C8orf76: variants seen among roughly 807,000 people sequenced by gnomAD.
The protein encoded by C8orf76 is uncharacterized protein C8orf76.
In C8orf76, 46 loss-of-function variants were observed where a neutral mutation model predicts 38.1. That is an observed-to-expected ratio of 1.21 (90% CI 0.95 to 1.54). C8orf76 has a LOEUF of 1.54. Ranked by LOEUF, C8orf76 falls within the 40% of genes most tolerant of loss-of-function variation. The pLI is 0.00. For missense variants in C8orf76, 461 were observed against 441.6 expected, an observed-to-expected ratio of 1.04 and a Z score of -0.39; for synonymous variants, 166 against 167.5, an observed-to-expected ratio of 0.99 and a Z score of 0.07.
intron 3 of C8orf76, among the ~76,000 whole-genome samples, chr8:123,232,220 A>G (rs991749417): frequency 1.3e-5 from 2 of 152,172 alleles, no homozygotes; most frequent in Non-Finnish European, 2.9e-5. Flanking sequence ...CCACTTCCAA[A>G]TTTTATTTGG....
At chr8:123,223,914 G>A (rs1000752274) in intron 5 of C8orf76, among the ~76,000 whole-genome samples, 4 of 152,134 alleles carry the variant, frequency 2.6e-5, no homozygotes, top group Non-Finnish European at 5.9e-5. Context: ...TAAATTCACA[G>A]AGAAAAATAG....
Position 123,237,926 on chromosome 8 carries a change from ACTC to A in C8orf76, c.226_228del (p.Glu76del). ...GACAATTTTTCAGAGATACTGGAAT[ACTC>A]CTGCAGTGCTTTCTGGAAATTATTT... On this transcript the variant is annotated inframe_deletion, in exon 3 of 6. Coordinates refer to ENST00000276704, the MANE Select transcript of C8orf76 (RefSeq NM_032847.3). 6.2e-7 allele frequency: 1 copy of A among 1,609,748 alleles called. No homozygotes were observed. The highest frequency in any genetic ancestry group is 8.5e-7 in the Non-Finnish European group (1 of 1,178,802).
intron 5 of C8orf76, among the ~76,000 whole-genome samples, chr8:123,221,736 G>A (rs1324307002): frequency 6.6e-6 from 1 of 151,934 alleles, no homozygotes; most frequent in Non-Finnish European, 1.5e-5. Flanking sequence ...CACTGTGCCC[G>A]GCCAAAAAAT....
At chr8:123,235,331 G>C (rs560520518) in intron 3 of C8orf76, among the ~76,000 whole-genome samples, 56 of 152,218 alleles carry the variant, frequency 3.7e-4, no homozygotes, top group African/African-American at 1.3e-3. Flanking sequence ...GGGACTTGCT[G>C]TCTATTTTGT....
intron 5 of C8orf76, among the ~76,000 whole-genome samples, chr8:123,224,973 T>G (rs1213214130): frequency 1.3e-5 from 2 of 152,158 alleles, no homozygotes; most frequent in Non-Finnish European, 2.9e-5. Flanking sequence ...GATGTGGAAC[T>G]TGGGAGAATT....
In C8orf76 at chr8:123,226,697, G is replaced by C. The variant is rs181405663; in HGVS notation, c.816-65C>G. 5 of 1,516,264 alleles carry C rather than the reference G, an allele frequency of 3.3e-6. No homozygotes were observed. In the East Asian group the frequency reaches 1.2e-4, roughly 36 times the overall value. The allele number at this position is 1,516,264 out of a possible 1,614,324, so 93.9% of individuals were successfully genotyped here. A position where few individuals can be genotyped will look rare whatever the true frequency, so the allele number is the denominator to read the frequency against. On this transcript the variant is annotated intron_variant, in intron 4 of 5. Transcript: ENST00000276704. ...CAACGCTTCCAGATAAAGGAAAGCC[G>C]CGAGGAAATGTTCAGAAAGCCCAGG...
chr8:123,238,211 G>A (rs1825564188), intron 2 of C8orf76, among the ~76,000 whole-genome samples: 1 of 152,084 alleles, frequency 6.6e-6, no homozygotes, highest in Non-Finnish European at 1.5e-5. Context: ...GAATCATGGG[G>A]GTGGGTTTTT....
intron 5 of C8orf76, among the ~76,000 whole-genome samples, chr8:123,222,188 C>T (rs1013980130): frequency 2.6e-5 from 4 of 151,686 alleles, no homozygotes; most frequent in East Asian, 3.9e-4. Context: ...AGGGTTTCAC[C>T]GTGTTACCCA....
At chr8:123,233,264 C>A (rs185323280) in intron 3 of C8orf76, among the ~76,000 whole-genome samples, 106 of 151,678 alleles carry the variant, frequency 7.0e-4, no homozygotes, top group Non-Finnish European at 1.3e-3. Context: ...AGTGATCCAC[C>A]CCCTTCGGCC....
chr8:123,241,288 C>T lies in C8orf76; in HGVS notation c.59G>A (p.Arg20Lys). 6.3e-7 allele frequency: 1 copy of T among 1,581,858 alleles called. No individual in the cohort carries two copies. Among genetic ancestry groups the T allele is most frequent in the East Asian group, 2.4e-5 (1 of 41,168 alleles). Residue 20 changes from arginine (R) to lysine (K), a missense_variant, in exon 1 of 6, where the codon AGG (arginine) becomes AAG (lysine). Arg to Lys is a conservative substitution (Grantham distance 26). Coordinates refer to ENST00000276704, the MANE Select transcript of C8orf76 (RefSeq NM_032847.3). Reference protein sequence around the residue: ...GEFEDSVFEERPERRSGPPAS... With the variant: ...GEFEDSVFEEKPERRSGPPAS... ...GGGCGGTCCTGACCGCCGCTCCGGC[C>T]TCTCCTCGAACACCGAGTCCTCGAA... is the stretch of plus-strand genomic sequence containing the variant.
intron 4 of C8orf76, among the ~76,000 whole-genome samples, chr8:123,229,916 C>T (rs1825186026): frequency 6.6e-6 from 1 of 152,060 alleles, no homozygotes; most frequent in South Asian, 2.1e-4. Flanking sequence ...ACTCAGGAGG[C>T]TGAGGCAGGG....
intron 3 of C8orf76, among the ~76,000 whole-genome samples, chr8:123,232,433 A>G (rs1825304554): frequency 6.6e-6 from 1 of 152,240 alleles, no homozygotes; most frequent in Non-Finnish European, 1.5e-5. Context: ...AACTTGCCAT[A>G]TGGCAAATGT....
chr8:123,239,308 G>A, intron 1 of C8orf76, 164 bp from the exon 2 acceptor site: 1 of 626,144 alleles, frequency 1.6e-6, no homozygotes, highest in Non-Finnish European at 2.6e-6. Context: ...TCCTGCCTCT[G>A]CCCACCTTGG....
In C8orf76 at chr8:123,227,936, C is replaced by G. The variant is rs552070550; in HGVS notation, c.816-1304G>C. ...CCTCGGGAAGCATTCACCTTCGTTA[C>G]CCCTTTGATGTAACTTGCTTTCTGC... On this transcript the variant is annotated intron_variant, in intron 4 of 5. Transcript: ENST00000276704. 3.7e-4 allele frequency among the ~76,000 whole-genome samples: 56 copies of G among 152,278 alleles called. No homozygotes were observed. The South Asian group carries it at 0.012, about 32-fold the overall frequency.
intron 3 of C8orf76, among the ~76,000 whole-genome samples, chr8:123,233,196 T>C (rs562010693): frequency 6.8e-6 from 1 of 146,322 alleles, no homozygotes; most frequent in African/African-American, 2.7e-5. Context: ...AATTTTTGCA[T>C]AAAGTAAAGA....
intron 5 of C8orf76, 174 bp downstream of exon 5, chr8:123,226,326 G>C: frequency 3.4e-6 from 5 of 1,457,372 alleles, no homozygotes; most frequent in South Asian, 2.9e-5. Flanking sequence ...CGCTGCAGGG[G>C]AATGCCGATC....
chr8:123,226,304 T>C, intron 5 of C8orf76, 196 bp downstream of exon 5: 1 of 1,411,074 alleles, frequency 7.1e-7, no homozygotes, highest in Non-Finnish European at 9.1e-7. Context: ...ACACAGCCCC[T>C]GCGGTCCCGC....
In C8orf76 at chr8:123,237,819, C is replaced by T. The variant is rs781409629; in HGVS notation, c.336G>A (p.Ala112=). 8.7e-6 allele frequency: 14 copies of T among 1,613,192 alleles called. No homozygotes were observed. The highest frequency in any genetic ancestry group is 3.3e-4 in the Middle Eastern group (2 of 6,052). ...CLAHLGRHME[A]LEIAANLENK... ...TCACCAAGTTTGCAGCAATCTCCAG[C>T]GCCTCCATATGCCTACCCAGGTGAG... is the stretch of plus-strand genomic sequence containing the variant. The change falls in exon 3 of 6, where the codon GCG becomes GCA. Residue 112 remains alanine, a synonymous_variant. Coordinates refer to ENST00000276704, the MANE Select transcript of C8orf76 (RefSeq NM_032847.3).
At position 123,237,961 on chromosome 8, in the gene C8orf76, TAAAGA is replaced by T. The variant is rs1378207758; in HGVS notation, c.214-25_214-21del. The T allele has an allele frequency of 6.9e-6, 11 of 1,598,586 alleles. No individual in the cohort carries two copies. Among genetic ancestry groups the T allele is most frequent in the Non-Finnish European group, 9.4e-6 (11 of 1,173,760 alleles). ...TGCTTTCTGGAAATTATTTGTTAAA[TAAAGA>T]AATGAAAGGAGGAAAACATAACAGA... On this transcript the variant is annotated intron_variant, in intron 2 of 5. Transcript: ENST00000276704.
Sources: gnomAD v4.1 joint callset for allele counts (sites outside exome capture counted in the v4.1 genomes callset) on GRCh38, gnomAD v4.1.1 for gene constraint, MANE v1.5 for transcripts, NCBI Gene and HGNC (gene_info 2026-07-23, HGNC 2026-07-21) for gene names.